Variants in EPM2A observed in about 807,000 individuals in gnomAD.
EPM2A encodes EPM2A glucan phosphatase, laforin.
A neutral mutation model predicts 26.5 loss-of-function variants in EPM2A; 21 were observed. The observed-to-expected ratio is 0.79, with a 90% CI of 0.56 to 1.14. The LOEUF (loss-of-function observed/expected upper bound fraction) is 1.14. Ranked by LOEUF, EPM2A falls within the 50% of genes most tolerant of loss-of-function variation. The probability of loss-of-function intolerance (pLI) is 0.00; values close to 1 mark genes in which losing one functional copy is unlikely to be tolerated. For synonymous variants in EPM2A, 217 were observed against 177.6 expected (o/e 1.22, Z -1.76); for missense variants, 458 against 440.8 (o/e 1.04, Z -0.35).
intron 1 of EPM2A, among the ~76,000 whole-genome samples, chr6:145,709,050 ACT>A (rs1782388647): frequency 6.6e-6 from 1 of 152,102 alleles, no homozygotes; most frequent in Admixed American, 6.5e-5. Context: ...CCCATTTTGG[ACT>A]GGTGTATTTA....
intron 4 of EPM2A, among the ~76,000 whole-genome samples, chr6:145,445,135 T>G (rs567803336): frequency 6.6e-6 from 1 of 152,292 alleles, no homozygotes; most frequent in Admixed American, 6.5e-5. Flanking sequence ...GTTTCTGTAG[T>G]GTGTCAAGAG....
intron 2 of EPM2A, among the ~76,000 whole-genome samples, chr6:145,648,799 T>A (rs766285807): frequency 6.6e-6 from 1 of 152,190 alleles, no homozygotes; most frequent in African/African-American, 2.4e-5. Flanking sequence ...ATGTGTCATC[T>A]TCCCCTTGTT....
chr6:145,561,565 G>A (rs1321456706), intron 2 of EPM2A, among the ~76,000 whole-genome samples: 1 of 152,078 alleles, frequency 6.6e-6, no homozygotes, highest in Non-Finnish European at 1.5e-5. Context: ...ACACACAAAT[G>A]GTAACTATTC....
At chr6:145,542,754 G>GGTTTT (rs1454501044) in intron 2 of EPM2A, among the ~76,000 whole-genome samples, 57 of 151,742 alleles carry the variant, frequency 3.8e-4, no homozygotes, top group Admixed American at 5.9e-4. Flanking sequence ...TTCTGTTTTT[G>GGTTTT]GTTTTGTTTT....
At chr6:145,584,872 T>C (rs1414496167) in intron 2 of EPM2A, among the ~76,000 whole-genome samples, 1 of 152,190 alleles carries the variant, frequency 6.6e-6, no homozygotes, top group African/African-American at 2.4e-5. Flanking sequence ...TCCTGGTCCC[T>C]CCATGGGAGA....
chr6:145,732,600 CAA>C (rs1776557248), intron 1 of EPM2A, among the ~76,000 whole-genome samples: 1 of 151,928 alleles, frequency 6.6e-6, no homozygotes, highest in African/African-American at 2.4e-5. Context: ...AAATTAATAA[CAA>C]ATTTTTAAAT....
At chr6:145,722,536 G>A (rs1043552298) in intron 1 of EPM2A, among the ~76,000 whole-genome samples, 2 of 152,138 alleles carry the variant, frequency 1.3e-5, no homozygotes, top group Admixed American at 1.3e-4. Context: ...TCCATGTCCT[G>A]CCTAGTAGAG....
At position 145,431,479 on chromosome 6, in the gene EPM2A, T is replaced by A. The variant is rs538702676; in HGVS notation, c.556-47382A>T. Among the ~76,000 whole-genome samples the A allele has an allele frequency of 6.6e-5, 10 of 152,300 alleles. No individual in the cohort carries two copies. The East Asian group carries it at 1.6e-3, about 24-fold the overall frequency. On this transcript the variant is annotated intron_variant, in intron 4 of 4. Transcript: ENST00000638717. ...TATTGCAATAAAGTGAGCCACATAATTTTTTTGTTTTTCCCAGTATATATA... is the reference window on the plus strand; with the variant it reads ...TATTGCAATAAAGTGAGCCACATAAATTTTTTGTTTTTCCCAGTATATATA...
At chr6:145,682,004 C>G (rs1780573734) in intron 2 of EPM2A, among the ~76,000 whole-genome samples, 1 of 152,110 alleles carries the variant, frequency 6.6e-6, no homozygotes, top group Admixed American at 6.6e-5. Flanking sequence ...TCTCTCACAC[C>G]TCTCTATATG....
intron 2 of EPM2A, among the ~76,000 whole-genome samples, chr6:145,522,696 G>C (rs1780218656): frequency 6.6e-6 from 1 of 151,928 alleles, no homozygotes; most frequent in South Asian, 2.1e-4. Context: ...TTAGAACATT[G>C]CTTCAGGATA....
chr6:145,569,572 G>T (rs1416414116), intron 2 of EPM2A, among the ~76,000 whole-genome samples: 1 of 152,110 alleles, frequency 6.6e-6, no homozygotes, highest in African/African-American at 2.4e-5. Context: ...GATCTCATTT[G>T]TCCCCATCTA....
At chr6:145,546,947 C>T (rs935560279) in intron 2 of EPM2A, among the ~76,000 whole-genome samples, 4 of 152,076 alleles carry the variant, frequency 2.6e-5, no homozygotes, top group African/African-American at 9.7e-5. Flanking sequence ...ATAGTTTAAT[C>T]TTGTTGAGCC....
At chr6:145,603,484 C>T (rs1418288622) in intron 2 of EPM2A, among the ~76,000 whole-genome samples, 6 of 152,042 alleles carry the variant, frequency 3.9e-5, no homozygotes, top group Non-Finnish European at 5.9e-5. Context: ...ATCTGTTTTC[C>T]AAAACATTAA....
intron 1 of EPM2A, chr6:145,722,852 T>C (rs142343669): frequency 3.2e-5 from 13 of 409,712 alleles, no homozygotes; most frequent in East Asian, 1.6e-4. Context: ...AGGGAGAAGA[T>C]AGCCATCTAT....
intron 2 of EPM2A, among the ~76,000 whole-genome samples, chr6:145,571,057 CA>C (rs1212060371): frequency 1.3e-5 from 2 of 152,170 alleles, no homozygotes; most frequent in Non-Finnish European, 2.9e-5. Context: ...TCTAGGCCAG[CA>C]GAGCATAATG....
intron 4 of EPM2A, among the ~76,000 whole-genome samples, chr6:145,393,829 C>A (rs201262386): frequency 2.2e-5 from 1 of 45,462 alleles, no homozygotes; most frequent in Non-Finnish European, 5.0e-5. Flanking sequence ...ATTTTTTTTT[C>A]TTTTTTTTTT....
chr6:145,512,659 C>T (rs1044124340), intron 2 of EPM2A, among the ~76,000 whole-genome samples: 3 of 135,502 alleles, frequency 2.2e-5, no homozygotes, highest in East Asian at 2.2e-4. Context: ...TGCAGTGAGC[C>T]GAGATCGCAC....
At chr6:145,600,429 T>C (rs747026914) in intron 2 of EPM2A, among the ~76,000 whole-genome samples, 8 of 152,214 alleles carry the variant, frequency 5.3e-5, no homozygotes, top group Non-Finnish European at 1.0e-4. Context: ...ACACCACTGT[T>C]AATCCGCCTA....
In EPM2A at chr6:145,408,341, A is replaced by T. The variant is rs190677165; in HGVS notation, c.556-24244T>A. 1.2e-4 allele frequency among the ~76,000 whole-genome samples: 18 copies of T among 152,276 alleles called. No individual in the cohort carries two copies. In the East Asian group the frequency reaches 3.3e-3, roughly 28 times the overall value. On this transcript the variant is annotated intron_variant, in intron 4 of 4. Transcript: ENST00000638717. Reference sequence around the variant, plus strand: ...CTTTGGCTTTGATTTGCATTCAGCCATTATGGGCCATGTGTGGGAGAGAAA... The same window carrying T: ...CTTTGGCTTTGATTTGCATTCAGCCTTTATGGGCCATGTGTGGGAGAGAAA...
Sources: gnomAD v4.1 joint callset for allele counts (sites outside exome capture counted in the v4.1 genomes callset) on GRCh38, gnomAD v4.1.1 for gene constraint, MANE v1.5 for transcripts, NCBI Gene and HGNC (gene_info 2026-07-23, HGNC 2026-07-21) for gene names.